NXPE1: variants seen among roughly 807,000 people sequenced by gnomAD.
NXPE1 encodes neurexophilin and PC-esterase domain family member 1.
In NXPE1, 31 loss-of-function variants were observed where a neutral mutation model predicts 33.3. The observed-to-expected ratio is 0.93, with a 90% CI of 0.70 to 1.26. The LOEUF is 1.26. NXPE1 is among the 50% of genes most tolerant of loss of function. The probability of loss-of-function intolerance (pLI) is 0.00; values close to 1 mark genes in which losing one functional copy is unlikely to be tolerated. For synonymous variants in NXPE1, 229 were observed against 231.4 expected (o/e 0.99, Z 0.09); for missense variants, 661 against 655.6 (o/e 1.01, Z -0.09).
chr11:114,528,043 G>T, intron 6 of NXPE1, 142 bp from the exon 7 acceptor site: 1 of 584,650 alleles, frequency 1.7e-6, no homozygotes, highest in Non-Finnish European at 2.9e-6. Flanking sequence ...TAGATATATT[G>T]GGTATTGTAA....
Position 114,552,833 on chromosome 11 carries a change from T to A in NXPE1, c.-182+19A>T. 1 of 956,338 alleles carries A rather than the reference T, an allele frequency of 1.0e-6. No homozygotes were observed. Among genetic ancestry groups the A allele is most frequent in the Non-Finnish European group, 1.2e-6 (1 of 803,432 alleles). The allele number at this position is 956,338 out of a possible 1,614,324, so 59.2% of individuals were successfully genotyped here. A position where few individuals can be genotyped will look rare whatever the true frequency, so the allele number is the denominator to read the frequency against. Reference sequence around the variant, plus strand: ...TTCATAGATCTTTAAACTTATTCTGTAAAATACTGGGTACTTACCCAATAG... The same window carrying A: ...TTCATAGATCTTTAAACTTATTCTGAAAAATACTGGGTACTTACCCAATAG... On this transcript the variant is annotated intron_variant, in intron 2 of 8. Coordinates refer to ENST00000534921, the Ensembl canonical transcript of NXPE1.
chr11:114,522,030 T>C (rs1358177571), exon 9 of NXPE1: 1 of 1,613,972 alleles, frequency 6.2e-7, no homozygotes, highest in Admixed American at 1.7e-5. Context: ...GGTGGGTGGA[T>C]AGTGTCAGTG....
At chr11:114,540,114 C>A (rs1299368572) in intron 5 of NXPE1, among the ~76,000 whole-genome samples, 1 of 152,180 alleles carries the variant, frequency 6.6e-6, no homozygotes, top group East Asian at 1.9e-4. Flanking sequence ...TGCCATCATG[C>A]CTGACTAATT....
At chr11:114,539,055 C>T (rs940826752) in intron 5 of NXPE1, among the ~76,000 whole-genome samples, 1 of 152,138 alleles carries the variant, frequency 6.6e-6, no homozygotes, top group African/African-American at 2.4e-5. Context: ...CAATGATAGA[C>T]TGGATTAAGA....
rs1160121749 is a variant in NXPE1 at position 114,521,833 on chromosome 11, C to G, written c.*135G>C. 6 of 673,218 alleles carry G rather than the reference C, an allele frequency of 8.9e-6. No homozygotes were observed. The Admixed American group carries it at 9.1e-5, about 10-fold the overall frequency. The allele number at this position is 673,218 out of a possible 1,614,324, so 41.7% of individuals were successfully genotyped here. On this transcript the variant is annotated 3_prime_UTR_variant, in exon 9 of 9. Coordinates refer to ENST00000534921, the Ensembl canonical transcript of NXPE1. ...CCCTTATCAGTTGTCATTGTCCTTACATAGCCTTCCTCCCCAAACAGATTC... is the reference window on the plus strand; with the variant it reads ...CCCTTATCAGTTGTCATTGTCCTTAGATAGCCTTCCTCCCCAAACAGATTC...
chr11:114,521,733 T>C (rs1947215586), exon 9 of NXPE1: 1 of 438,548 alleles, frequency 2.3e-6, no homozygotes, highest in African/African-American at 2.0e-5. Flanking sequence ...AAAAAACTTT[T>C]TTAATATTTT....
At chr11:114,533,721 G>A (rs147803141) in intron 5 of NXPE1, among the ~76,000 whole-genome samples, 1,898 of 152,308 alleles carry the variant, frequency 0.012, 40 homozygotes, top group African/African-American at 0.044. Context: ...ACTGCAAGGC[G>A]GCAGCAAGAC....
chr11:114,522,259 A>T, exon 9 of NXPE1: 1 of 1,614,080 alleles, frequency 6.2e-7, no homozygotes. Flanking sequence ...TGGCCCTGCG[A>T]ATAAAAATGT....
At chr11:114,525,806 G>T (rs1450279977) in intron 7 of NXPE1, among the ~76,000 whole-genome samples, 1 of 152,164 alleles carries the variant, frequency 6.6e-6, no homozygotes, top group Non-Finnish European at 1.5e-5. Flanking sequence ...TACCCTTTCA[G>T]GTACATGTAT....
At chr11:114,529,931 CA>C (rs1333030077) in intron 6 of NXPE1, 2 of 448,234 alleles carry the variant, frequency 4.5e-6, no homozygotes, top group Non-Finnish European at 7.8e-6. Context: ...ATCTTTTTTT[CA>C]GTGGAACATC....
At chr11:114,555,218 A>G (rs1451467360) in intron 1 of NXPE1, among the ~76,000 whole-genome samples, 1 of 152,006 alleles carries the variant, frequency 6.6e-6, no homozygotes, top group African/African-American at 2.4e-5. Flanking sequence ...TTTACATTCA[A>G]TAAGAATACA....
chr11:114,538,597 A>G (rs11215047), intron 5 of NXPE1, among the ~76,000 whole-genome samples: 20,299 of 152,114 alleles, frequency 0.13, 1,480 homozygotes, highest in South Asian at 0.23. Flanking sequence ...AAAACAAACA[A>G]CCCCATTAAA....
At chr11:114,529,025 G>A in intron 6 of NXPE1, 1 of 409,538 alleles carries the variant, frequency 2.4e-6, no homozygotes, top group Non-Finnish European at 4.3e-6. Flanking sequence ...GGATAATGAG[G>A]TAAGATTCTG....
chr11:114,523,878 G>A (rs760271766), intron 7 of NXPE1, among the ~76,000 whole-genome samples: 7 of 152,186 alleles, frequency 4.6e-5, no homozygotes, highest in South Asian at 2.1e-4. Flanking sequence ...CTGATACTAC[G>A]TTCTGTATGA....
At chr11:114,519,968 T>TCGCCTCCCGGGTTCACGCTATTCACC (rs1356498370), downstream of NXPE1, among the ~76,000 whole-genome samples, 1 of 117,234 alleles carries the variant, frequency 8.5e-6, no homozygotes, top group Admixed American at 8.5e-5. Flanking sequence ...CTCGGCGAGC[T>TCGCCTCCCGGGTTCACGCTATTCACC]TGCCCGCTAA....
rs1200501681 is a variant in NXPE1, at chr11:114,522,505, T to G, written c.1109-2A>C. The G allele has an allele frequency of 3.2e-6, 5 of 1,575,362 alleles. No homozygotes were observed. The highest frequency in any genetic ancestry group is 4.3e-6 in the Non-Finnish European group (5 of 1,161,274). On this transcript the variant is annotated splice_acceptor_variant, in intron 8 of 8. Transcript: ENST00000534921. LOFTEE classifies it high-confidence loss of function. ...CATGAAGATCAAAAAACTTCAGTGC[T>G]GATAAAAAAACAAATAGATGTTTTA...
At chr11:114,521,188 C>T (rs1947203498), downstream of NXPE1, among the ~76,000 whole-genome samples, 2 of 152,166 alleles carry the variant, frequency 1.3e-5, no homozygotes, top group South Asian at 4.1e-4. Context: ...GATAAATGTT[C>T]ATATATTTCC....
intron 5 of NXPE1, among the ~76,000 whole-genome samples, chr11:114,536,025 G>A (rs1316244850): frequency 1.3e-5 from 2 of 152,116 alleles, no homozygotes; most frequent in Non-Finnish European, 2.9e-5. Flanking sequence ...TGACCACATA[G>A]TTGGAAGTAA....
chr11:114,553,720 A>G, intron 1 of NXPE1: 1 of 985,366 alleles, frequency 1.0e-6, no homozygotes, highest in Non-Finnish European at 1.2e-6. Flanking sequence ...AGCTCTGCAT[A>G]TCCCAGTGTC....
Sources: allele counts gnomAD v4.1 joint callset (sites outside exome capture counted in the v4.1 genomes callset), GRCh38; gene constraint gnomAD v4.1.1; transcripts MANE v1.5; gene names NCBI Gene and HGNC (gene_info 2026-07-23, HGNC 2026-07-21).